Variants in RFX3 observed in about 807,000 individuals in gnomAD.
RFX3 encodes regulatory factor X3, also known as transcription factor RFX3.
RFX3 carries 14 observed loss-of-function variants against 98.6 expected under a neutral mutation model. The observed-to-expected ratio is 0.14, with a 90% CI of 0.09 to 0.22. The LOEUF (loss-of-function observed/expected upper bound fraction) is 0.22. Among genes scored for constraint, RFX3 ranks in the 10% least tolerant of loss-of-function variants. RFX3 has a pLI of 1.00. For synonymous variants in RFX3, 383 were observed against 328.4 expected, an observed-to-expected ratio of 1.17 and a Z score of -1.80; for missense variants, 639 against 926.9, an observed-to-expected ratio of 0.69 and a Z score of 4.03.
intron 5 of RFX3, among the ~76,000 whole-genome samples, chr9:3,296,972 G>A (rs12005769): frequency 0.017 from 2,622 of 152,190 alleles, 69 homozygotes; most frequent in African/African-American, 0.06. Context: ...CACAGTGATG[G>A]AATTATAAAT....
rs1833590341 is a variant in RFX3, at chr9:3,339,321, T to C, written c.215+7346A>G. On this transcript the variant is annotated intron_variant, in intron 3 of 16. Coordinates refer to ENST00000617270, the MANE Select transcript of RFX3 (RefSeq NM_001282116.2). ...TCAGGGAAATAAATATGGACTGAAA[T>C]CAATTTTAGCAGAAATGGCATTATA... Among the ~76,000 whole-genome samples the C allele has an allele frequency of 8.5e-5, 13 of 152,088 alleles. No homozygotes were observed. The South Asian group carries it at 2.5e-3, about 29-fold the overall frequency.
intron 7 of RFX3, among the ~76,000 whole-genome samples, chr9:3,285,490 T>C (rs1826471581): frequency 6.6e-6 from 1 of 151,722 alleles, no homozygotes; most frequent in African/African-American, 2.4e-5. Flanking sequence ...TGTCTAAATA[T>C]TTCTGCACAA....
intron 1 of RFX3, among the ~76,000 whole-genome samples, chr9:3,446,996 TG>T (rs983363463): frequency 3.3e-5 from 5 of 152,126 alleles, no homozygotes; most frequent in African/African-American, 1.2e-4. Context: ...AGCAATCTTC[TG>T]GGTGACAACA....
At chr9:3,321,437 G>A (rs1277703810) in intron 4 of RFX3, among the ~76,000 whole-genome samples, 6 of 152,230 alleles carry the variant, frequency 3.9e-5, no homozygotes, top group East Asian at 3.9e-4. Context: ...CACTTGGCAA[G>A]GCTTACCAAC....
At chr9:3,479,790 G>A (rs998610900) in intron 1 of RFX3, among the ~76,000 whole-genome samples, 9 of 152,114 alleles carry the variant, frequency 5.9e-5, no homozygotes, top group African/African-American at 2.2e-4. Context: ...GTGGGAAATC[G>A]ACAGAAAAGA....
At chr9:3,248,611 C>A (rs1328842424) in intron 14 of RFX3, among the ~76,000 whole-genome samples, 1 of 152,094 alleles carries the variant, frequency 6.6e-6, no homozygotes, top group Non-Finnish European at 1.5e-5. Context: ...CTGGGGTAGG[C>A]CTTAGAAAAA....
At chr9:3,459,094 G>C (rs1414170459) in intron 1 of RFX3, among the ~76,000 whole-genome samples, 1 of 152,128 alleles carries the variant, frequency 6.6e-6, no homozygotes, top group Non-Finnish European at 1.5e-5. Context: ...GGAGCTCAGA[G>C]TAAAGATCTC....
chr9:3,519,183 T>C (rs955215374), intron 1 of RFX3, among the ~76,000 whole-genome samples: 23 of 152,050 alleles, frequency 1.5e-4, no homozygotes, highest in African/African-American at 5.6e-4. Context: ...ACCAGGAGAG[T>C]TATGCAAACC....
intron 4 of RFX3, among the ~76,000 whole-genome samples, 200 bp from the exon 5 acceptor site, chr9:3,301,820 C>CACTA (rs1828696076): frequency 6.6e-6 from 1 of 151,782 alleles, no homozygotes; most frequent in Non-Finnish European, 1.5e-5. Context: ...ATAATAAGCC[C>CACTA]ATTCACAAAG....
At chr9:3,388,613 T>C (rs1214915492) in intron 2 of RFX3, among the ~76,000 whole-genome samples, 1 of 152,066 alleles carries the variant, frequency 6.6e-6, no homozygotes, top group African/African-American at 2.4e-5. Context: ...AAATGTTCTT[T>C]CCTGAATATA....
At chr9:3,326,943 G>C (rs543013821) in intron 4 of RFX3, among the ~76,000 whole-genome samples, 1 of 152,006 alleles carries the variant, frequency 6.6e-6, no homozygotes, top group African/African-American at 2.4e-5. Flanking sequence ...CAAGAATTTC[G>C]GCCACAGTAT....
intron 1 of RFX3, among the ~76,000 whole-genome samples, chr9:3,481,295 G>T (rs976838632): frequency 6.6e-6 from 1 of 151,942 alleles, no homozygotes; most frequent in Non-Finnish European, 1.5e-5. Context: ...ATAAATTAAA[G>T]AACAAATAAA....
chr9:3,335,591 C>T (rs1023799961), intron 3 of RFX3, among the ~76,000 whole-genome samples: 4 of 152,186 alleles, frequency 2.6e-5, no homozygotes, highest in African/African-American at 9.7e-5. Flanking sequence ...ATTCTGTGCA[C>T]ATTTAAATGA....
At chr9:3,452,992 C>T (rs957675516) in intron 1 of RFX3, among the ~76,000 whole-genome samples, 6 of 152,192 alleles carry the variant, frequency 3.9e-5, no homozygotes, top group Admixed American at 6.5e-5. Context: ...TAGGATGGAA[C>T]ATAGCCCTCT....
intron 1 of RFX3, among the ~76,000 whole-genome samples, chr9:3,508,703 G>A (rs1242458295): frequency 6.6e-6 from 1 of 151,902 alleles, no homozygotes; most frequent in Non-Finnish European, 1.5e-5. Context: ...AAAAGCAAAT[G>A]ACAAGCGGTT....
intron 2 of RFX3, among the ~76,000 whole-genome samples, chr9:3,366,145 C>T (rs1349969420): frequency 6.6e-6 from 1 of 152,018 alleles, no homozygotes; most frequent in Admixed American, 6.6e-5. Context: ...ACAAATAATA[C>T]ATGGTACTGT....
At chr9:3,281,641 G>C (rs562185168) in intron 7 of RFX3, among the ~76,000 whole-genome samples, 2 of 151,880 alleles carry the variant, frequency 1.3e-5, no homozygotes, top group South Asian at 4.1e-4. Flanking sequence ...CAGTGCTAAA[G>C]TTGTTAATGA....
At chr9:3,320,161 C>A (rs1831094011) in intron 4 of RFX3, among the ~76,000 whole-genome samples, 1 of 152,040 alleles carries the variant, frequency 6.6e-6, no homozygotes, top group African/African-American at 2.4e-5. Flanking sequence ...AAGAGCTTGT[C>A]CAAAATTTTT....
intron 8 of RFX3, 93 bp downstream of exon 8, chr9:3,277,247 G>C: frequency 7.5e-7 from 1 of 1,338,444 alleles, no homozygotes; most frequent in East Asian, 2.3e-5. Flanking sequence ...ATCTTTCTAT[G>C]TCATTGACAT....
Sources: gnomAD v4.1 joint callset for allele counts (sites outside exome capture counted in the v4.1 genomes callset) on GRCh38, gnomAD v4.1.1 for gene constraint, MANE v1.5 for transcripts, NCBI Gene and HGNC (gene_info 2026-07-23, HGNC 2026-07-21) for gene names.